ZNF717: variants seen among roughly 807,000 people sequenced by gnomAD.
ZNF717 encodes the protein krueppel-like factor X17.
Under a neutral mutation model 13.8 loss-of-function variants are expected in ZNF717, and 9 were observed. That is an observed-to-expected ratio of 0.65 (90% confidence interval 0.39 to 1.14). The LOEUF is 1.14. Ranked by LOEUF, ZNF717 falls within the 50% of genes most tolerant of loss-of-function variation. The pLI, the probability that ZNF717 is intolerant of heterozygous loss-of-function variation, is 0.01. For synonymous variants in ZNF717, 327 were observed against 364.1 expected (o/e 0.90, Z 1.16); for missense variants, 1,040 against 1,080.7 (o/e 0.96, Z 0.53).
rs1436146927 is a variant in ZNF717, at chr3:75,738,696, T to C, written c.927A>G (p.Lys309=). The change falls in exon 5 of 5, where the codon AAA becomes AAG. Residue 309 remains lysine, a synonymous_variant. Transcript: ENST00000652011. The part of the protein sequence containing the change: ...MLQCKMPTEE[K]PYACNWCEKL... Reference sequence around the variant, plus strand: ...TTTCACACCAGTTACAGGCATAAGGTTTTTCCTCAGTAGGCATCTTGCACT... The same window carrying C: ...TTTCACACCAGTTACAGGCATAAGGCTTTTCCTCAGTAGGCATCTTGCACT... The C allele has an allele frequency of 1.3e-6, 2 of 1,551,628 alleles. No individual in the cohort carries two copies. Among genetic ancestry groups the C allele is most frequent in the Admixed American group, 2.0e-5 (1 of 50,988 alleles).
At chr3:75,721,374 C>T (rs1575722059) in intron 4 of ZNF717, among the ~76,000 whole-genome samples, 1 of 152,186 alleles carries the variant, frequency 6.6e-6, no homozygotes, top group Admixed American at 6.6e-5. Context: ...TTCTGCCTCC[C>T]ACATTCAAGT....
At chr3:75,757,066 G>GA (rs1942559197) in intron 2 of ZNF717, among the ~76,000 whole-genome samples, 1 of 152,218 alleles carries the variant, frequency 6.6e-6, no homozygotes, top group Admixed American at 6.5e-5. Flanking sequence ...GAGGTTTAGG[G>GA]AAAAAAGTCA....
chr3:75,746,506 A>G (rs1409442431), intron 2 of ZNF717, among the ~76,000 whole-genome samples: 2 of 152,162 alleles, frequency 1.3e-5, no homozygotes, highest in African/African-American at 4.8e-5. Flanking sequence ...TAACAGTGTA[A>G]AAGTGTTCCT....
chr3:75,713,062 T>C (rs1335179069), intron 5 of ZNF717, among the ~76,000 whole-genome samples: 3 of 152,034 alleles, frequency 2.0e-5, no homozygotes, highest in Non-Finnish European at 4.4e-5. Flanking sequence ...CAGTGAGCTA[T>C]GACCATGCCA....
chr3:75,759,545 T>G (rs1942795373), intron 2 of ZNF717, among the ~76,000 whole-genome samples: 1 of 152,172 alleles, frequency 6.6e-6, no homozygotes, highest in Non-Finnish European at 1.5e-5. Context: ...GTGCTGCGAT[T>G]ACAGGTGTGA....
In ZNF717 at chr3:75,723,248, C is replaced by CTTTTTTTTTT. The variant is rs112455865; in HGVS notation, n.545-6717_545-6708dup. 6.0e-4 allele frequency among the ~76,000 whole-genome samples: 53 copies of CTTTTTTTTTT among 88,652 alleles called. 3 individuals carry two copies. Among genetic ancestry groups the CTTTTTTTTTT allele is most frequent in the Middle Eastern group, 0.01 (1 of 100 alleles). The allele number at this position is 88,652 out of a possible 152,430, so 58.2% of individuals were successfully genotyped here. A position where few individuals can be genotyped will look rare whatever the true frequency, so the allele number is the denominator to read the frequency against. ...GTTATTTTTCTTTAAGACAATCTCA[C>CTTTTTTTTTT]TTTTTTTTTTTTTTTTTTTCAGACA... On this transcript the variant is annotated intron_variant and non_coding_transcript_variant, in intron 4 of 5. Coordinates refer to the ZNF717 transcript ENST00000491507.
At chr3:75,729,547 G>A (rs73114998), downstream of ZNF717, among the ~76,000 whole-genome samples, 6 of 151,626 alleles carry the variant, frequency 4.0e-5, no homozygotes, top group African/African-American at 7.3e-5. Context: ...CCCGGGAGGC[G>A]GAGGTTGCGG....
downstream of ZNF717, among the ~76,000 whole-genome samples, chr3:75,735,657 A>AAAAG (rs57420276): frequency 2.2e-5 from 1 of 45,498 alleles, no homozygotes; most frequent in Non-Finnish European, 6.8e-5. Context: ...AAAAAAAAAA[A>AAAAG]GCAACGAGAG....
downstream of ZNF717, among the ~76,000 whole-genome samples, chr3:75,728,739 C>A (rs1185281389): frequency 2.8e-4 from 42 of 152,172 alleles, no homozygotes; most frequent in African/African-American, 9.7e-4. Flanking sequence ...CCCAGCCATG[C>A]AGAGCTGTGA....
At chr3:75,729,396 A>G (rs1162126661), downstream of ZNF717, among the ~76,000 whole-genome samples, 1 of 152,244 alleles carries the variant, frequency 6.6e-6, no homozygotes, top group Non-Finnish European at 1.5e-5. Flanking sequence ...TGGGTGGATC[A>G]CCTGAGGTCA....
intron 2 of ZNF717, among the ~76,000 whole-genome samples, chr3:75,760,327 A>G (rs1942885966): frequency 1.3e-5 from 2 of 152,264 alleles, no homozygotes; most frequent in Non-Finnish European, 2.9e-5. Context: ...TGCAGGTGTG[A>G]GCCACTGTGC....
intron 6 of ZNF717, among the ~76,000 whole-genome samples, chr3:75,698,145 TAGCAAA>T (rs1937625083): frequency 1.4e-5 from 2 of 141,168 alleles, no homozygotes; most frequent in East Asian, 2.0e-4. Flanking sequence ...TCACATGTTC[TAGCAAA>T]AAAAAAAAAA....
At chr3:75,727,458 T>C (rs1345722466), downstream of ZNF717, among the ~76,000 whole-genome samples, 19 of 152,294 alleles carry the variant, frequency 1.2e-4, no homozygotes, top group African/African-American at 4.6e-4. Context: ...CACTGAATTC[T>C]TTTCCCAGCA....
downstream of ZNF717, among the ~76,000 whole-genome samples, chr3:75,704,788 T>C (rs1367727060): frequency 3.8e-4 from 57 of 150,324 alleles, no homozygotes; most frequent in African/African-American, 1.4e-3. Context: ...GTTTAGCTTT[T>C]ACTTTCCTCA....
chr3:75,751,174 T>TCC (rs1941754681), intron 2 of ZNF717, among the ~76,000 whole-genome samples: 1 of 149,748 alleles, frequency 6.7e-6, no homozygotes, highest in Non-Finnish European at 1.5e-5. Flanking sequence ...GAATGTTTAT[T>TCC]TCTCACAAAG....
At chr3:75,782,866 A>G (rs972396230) in intron 2 of ZNF717, among the ~76,000 whole-genome samples, 2 of 151,994 alleles carry the variant, frequency 1.3e-5, no homozygotes, top group Admixed American at 1.3e-4. Context: ...TCCACTGCAC[A>G]ACATGCCGTG....
chr3:75,742,732 C>G (rs77405150), intron 2 of ZNF717, among the ~76,000 whole-genome samples: 11 of 152,208 alleles, frequency 7.2e-5, no homozygotes, highest in African/African-American at 2.6e-4. Context: ...AATATTTGAC[C>G]CAATTTCAAA....
At chr3:75,771,494 G>A (rs866069449) in intron 2 of ZNF717, among the ~76,000 whole-genome samples, 5 of 152,250 alleles carry the variant, frequency 3.3e-5, no homozygotes, top group Admixed American at 2.0e-4. Flanking sequence ...TGCCAGAGCA[G>A]GACTGCTAGG....
intron 2 of ZNF717, among the ~76,000 whole-genome samples, chr3:75,763,146 A>G (rs1194909849): frequency 1.3e-5 from 2 of 152,258 alleles, no homozygotes; most frequent in Non-Finnish European, 2.9e-5. Context: ...AATTTTTAGG[A>G]TATGACATTA....
Sources: gnomAD v4.1 joint callset for allele counts (sites outside exome capture counted in the v4.1 genomes callset) on GRCh38, gnomAD v4.1.1 for gene constraint, MANE v1.5 for transcripts, NCBI Gene and HGNC (gene_info 2026-07-23, HGNC 2026-07-21) for gene names.